The following ADCY5 variants were observed in gnomAD, a reference collection of about 807,000 sequenced individuals.
ADCY5 encodes adenylate cyclase type 5.
ADCY5 carries 30 observed loss-of-function variants against 119.7 expected under a neutral mutation model. That is an observed-to-expected ratio of 0.25 (90% CI 0.19 to 0.34). The LOEUF (loss-of-function observed/expected upper bound fraction) is 0.34. Ranked by LOEUF, ADCY5 falls within the 10% of genes least tolerant of loss-of-function variation. The pLI, the probability that ADCY5 is intolerant of heterozygous loss-of-function variation, is 1.00. For missense variants in ADCY5, 1,324 were observed against 1,775.2 expected (o/e 0.75, Z 4.57); for synonymous variants, 753 against 762.2 (o/e 0.99, Z 0.20).
Position 123,304,200 on chromosome 3 carries a change from G to T in ADCY5, c.2443-17C>A. 7.2e-7 allele frequency: 1 copy of T among 1,394,712 alleles called. No individual in the cohort carries two copies. Among genetic ancestry groups the T allele is most frequent in the South Asian group, 1.2e-5 (1 of 85,108 alleles). 86.4% of individuals were successfully genotyped at this position (1,394,712 alleles called of 1,614,324 possible). A position where few individuals can be genotyped will look rare whatever the true frequency, so the allele number is the denominator to read the frequency against. On this transcript the variant is annotated splice_polypyrimidine_tract_variant and intron_variant, in intron 12 of 20. Transcript: ENST00000462833. ...GGGGAAGAGCTAGGGTGGGGGCAGGGGTGGAGAGGGAGGGAGGGAGAGACG... is the reference window on the plus strand; with the variant it reads ...GGGGAAGAGCTAGGGTGGGGGCAGGTGTGGAGAGGGAGGGAGGGAGAGACG...
rs575012479 is a variant in ADCY5 at position 123,398,113 on chromosome 3, T to C, written c.1135-45532A>G. Among the ~76,000 whole-genome samples the C allele has an allele frequency of 7.9e-5, 12 of 152,326 alleles. No individual in the cohort carries two copies. In the South Asian group the frequency reaches 2.3e-3, roughly 29 times the overall value. ...CTGCAGCACCAAAGCAACCATCTGC[T>C]GCCCTCCTGCACACAGCATTGGCAA... On this transcript the variant is annotated intron_variant, in intron 1 of 20. Transcript: ENST00000462833.
intron 12 of ADCY5, among the ~76,000 whole-genome samples, chr3:123,309,369 C>T (rs1576552240): frequency 6.6e-6 from 1 of 152,334 alleles, no homozygotes; most frequent in Middle Eastern, 3.4e-3. Flanking sequence ...GTCCCCACGC[C>T]AGTGCTCTCA....
At chr3:123,445,022 G>A (rs568894812) in intron 1 of ADCY5, among the ~76,000 whole-genome samples, 2 of 152,312 alleles carry the variant, frequency 1.3e-5, no homozygotes, top group South Asian at 4.1e-4. Context: ...AATCAAAAGG[G>A]TAAATCAAGT....
chr3:123,447,889 C>T lies in ADCY5; in HGVS notation c.657G>A (p.Lys219=). 1.9e-6 allele frequency: 3 copies of T among 1,612,202 alleles called. No individual in the cohort carries two copies. Among genetic ancestry groups the T allele is most frequent in the African/African-American group, 2.7e-5 (2 of 75,022 alleles). The part of the protein sequence containing the change: ...CLALLQIFRS[K]KFPSDKLERL... ...GCTCCAGTTTGTCCGACGGGAACTT[C>T]TTGGAGCGGAATATCTGCAGCAACG... is the stretch of plus-strand genomic sequence containing the variant. Residue 219 remains lysine, a synonymous_variant, in exon 1 of 21, where the codon AAG becomes AAA. Coordinates refer to ENST00000462833, the MANE Select transcript of ADCY5 (RefSeq NM_183357.3).
At chr3:123,434,996 G>GAGT (rs999568577) in intron 1 of ADCY5, among the ~76,000 whole-genome samples, 1 of 152,128 alleles carries the variant, frequency 6.6e-6, no homozygotes, top group Non-Finnish European at 1.5e-5. Flanking sequence ...TAATAAGTGA[G>GAGT]CACTGAGGCT....
intron 3 of ADCY5, among the ~76,000 whole-genome samples, chr3:123,345,735 G>C (rs376178891): frequency 2.5e-4 from 36 of 144,250 alleles, no homozygotes; most frequent in Middle Eastern, 3.5e-3. Flanking sequence ...CAGAGACAGA[G>C]AGACAGACAG....
intron 1 of ADCY5, among the ~76,000 whole-genome samples, chr3:123,379,411 C>T: frequency 6.6e-6 from 1 of 152,106 alleles, no homozygotes; most frequent in East Asian, 1.9e-4. Context: ...ATTAGCTCCC[C>T]TCGAGGAATG....
At position 123,286,606 on chromosome 3, in the gene ADCY5, T is replaced by C; in HGVS notation, c.3657+79A>G. Reference sequence around the variant, plus strand: ...AGACATTCTGACTGGGAACTGTAGGTGGCCTGCCCTGAAGACCTCTCGGTG... The same window carrying C: ...AGACATTCTGACTGGGAACTGTAGGCGGCCTGCCCTGAAGACCTCTCGGTG... On this transcript the variant is annotated intron_variant, in intron 20 of 20. Coordinates refer to ENST00000462833, the MANE Select transcript of ADCY5 (RefSeq NM_183357.3). The surrounding 1 kb of genome is among the most constrained non-coding windows in gnomAD (Gnocchi z 4.2). 7 of 1,494,522 alleles carry C rather than the reference T, an allele frequency of 4.7e-6. No individual in the cohort carries two copies. The highest frequency in any genetic ancestry group is 6.2e-6 in the Non-Finnish European group (7 of 1,124,394). 92.6% of individuals were successfully genotyped at this position (1,494,522 alleles called of 1,614,324 possible).
intron 1 of ADCY5, among the ~76,000 whole-genome samples, chr3:123,396,846 G>A (rs913596223): frequency 6.6e-5 from 10 of 151,382 alleles, no homozygotes; most frequent in Non-Finnish European, 1.2e-4. Flanking sequence ...GAGAGAGACA[G>A]AGAACCCATA....
At chr3:123,325,801 C>G (rs1247874363) in intron 7 of ADCY5, among the ~76,000 whole-genome samples, 1 of 152,250 alleles carries the variant, frequency 6.6e-6, no homozygotes, top group African/African-American at 2.4e-5. Context: ...CCTGGGTGCC[C>G]TTCTCTCCTC....
intron 1 of ADCY5, among the ~76,000 whole-genome samples, chr3:123,413,102 C>G (rs1945097694): frequency 6.6e-6 from 1 of 152,208 alleles, no homozygotes; most frequent in Admixed American, 6.5e-5. Flanking sequence ...GGCTCACTCC[C>G]CTGTTCTGTT....
intron 1 of ADCY5, among the ~76,000 whole-genome samples, chr3:123,439,823 A>C (rs1945692222): frequency 6.6e-6 from 1 of 152,206 alleles, no homozygotes; most frequent in African/African-American, 2.4e-5. Context: ...CACCTAATAA[A>C]TGATTATTAT....
chr3:123,327,804 A>C, intron 6 of ADCY5, 45 bp from the exon 7 acceptor site: 1 of 1,604,766 alleles, frequency 6.2e-7, no homozygotes, highest in Non-Finnish European at 8.5e-7. Context: ...GAAAACTCAA[A>C]GTCATAATGT....
At chr3:123,419,185 A>G in intron 1 of ADCY5, 6 of 985,300 alleles carry the variant, frequency 6.1e-6, no homozygotes, top group Non-Finnish European at 7.2e-6. Context: ...TCCCCTCATC[A>G]TGATTCCAGG....
At chr3:123,437,014 C>T (rs1576696615) in intron 1 of ADCY5, among the ~76,000 whole-genome samples, 2 of 152,030 alleles carry the variant, frequency 1.3e-5, no homozygotes, top group East Asian at 1.9e-4. Context: ...GATTTGAGTA[C>T]AAGTGACTTT....
At chr3:123,438,140 G>C (rs1440457514) in intron 1 of ADCY5, among the ~76,000 whole-genome samples, 1 of 152,192 alleles carries the variant, frequency 6.6e-6, no homozygotes, top group African/African-American at 2.4e-5. Flanking sequence ...CCCAGCCCCT[G>C]AAGAATTGTA....
At chr3:123,318,814 AC>A (rs1282487654) in intron 10 of ADCY5, among the ~76,000 whole-genome samples, 1 of 152,038 alleles carries the variant, frequency 6.6e-6, no homozygotes, top group Non-Finnish European at 1.5e-5. Context: ...CCAGGGTCTG[AC>A]TCCAGCTCTG....
chr3:123,311,133 T>G (rs931671982), intron 12 of ADCY5, among the ~76,000 whole-genome samples: 2 of 152,228 alleles, frequency 1.3e-5, no homozygotes, highest in Non-Finnish European at 2.9e-5. Context: ...TGACACTAAC[T>G]GGCTTGGGGG....
chr3:123,331,148 G>A (rs996229418), intron 4 of ADCY5, 132 bp from the exon 5 acceptor site: 89 of 957,364 alleles, frequency 9.3e-5, no homozygotes, highest in African/African-American at 1.3e-4. Flanking sequence ...GCAGGCCCAC[G>A]CCGGAACTCG....
Sources: gnomAD v4.1 joint callset for allele counts (sites outside exome capture counted in the v4.1 genomes callset) on GRCh38, gnomAD v4.1.1 for gene constraint, Gnocchi (gnomAD v3.1) non-coding constraint, MANE v1.5 for transcripts, NCBI Gene and HGNC (gene_info 2026-07-23, HGNC 2026-07-21) for gene names.